KIAA1328: variants seen among roughly 807,000 people sequenced by gnomAD.
KIAA1328 encodes KIAA1328, also known as protein hinderin.
KIAA1328 carries 52 observed loss-of-function variants against 68.1 expected under a neutral mutation model. The ratio of observed to expected loss-of-function variants is 0.76; its 90% CI spans 0.61 to 0.96. The LOEUF (loss-of-function observed/expected upper bound fraction) is 0.96, where lower values mean the gene tolerates loss of function less well. Ranked by LOEUF, KIAA1328 falls within the 40% of genes least tolerant of loss-of-function variation. KIAA1328 has a pLI of 0.00. For synonymous variants in KIAA1328, 232 were observed against 239.4 expected (o/e 0.97, Z 0.28); for missense variants, 641 against 677.6 (o/e 0.95, Z 0.60).
At chr18:37,074,648 T>A (rs912702561) in intron 7 of KIAA1328, 4 of 152,298 alleles carry the variant, frequency 2.6e-5, no homozygotes, top group Non-Finnish European at 4.4e-5. Context: ...CTCCATCAGC[T>A]CCTTTAAGCA....
chr18:37,190,295 G>T (rs756218520), intron 9 of KIAA1328, among the ~76,000 whole-genome samples: 1 of 151,974 alleles, frequency 6.6e-6, no homozygotes, highest in Non-Finnish European at 1.5e-5. Flanking sequence ...ATTTCCAATT[G>T]GATCTATACA....
chr18:36,913,507 C>CAT (rs2151079514), intron 5 of KIAA1328, among the ~76,000 whole-genome samples: 1 of 119,244 alleles, frequency 8.4e-6, no homozygotes, highest in African/African-American at 2.8e-5. Flanking sequence ...CACACACACA[C>CAT]ACACACACAC....
chr18:37,033,557 C>T (rs1260473344), intron 6 of KIAA1328, among the ~76,000 whole-genome samples: 1 of 152,216 alleles, frequency 6.6e-6, no homozygotes, highest in Admixed American at 6.5e-5. Context: ...AAAACTTGAA[C>T]ATCTCCTTGT....
chr18:36,878,205 G>A (rs1199349041), intron 4 of KIAA1328, among the ~76,000 whole-genome samples: 5 of 152,162 alleles, frequency 3.3e-5, no homozygotes, highest in Admixed American at 6.5e-5. Flanking sequence ...AGGGGCTCTT[G>A]TAAGGCAGGC....
intron 4 of KIAA1328, among the ~76,000 whole-genome samples, chr18:36,856,113 C>G (rs965320273): frequency 2.0e-5 from 3 of 151,880 alleles, no homozygotes; most frequent in African/African-American, 7.3e-5. Context: ...TTAAGATTTT[C>G]TCTTGTCTGA....
At chr18:36,829,247 G>T in intron 1 of KIAA1328, 51 bp downstream of exon 1, 1 of 1,469,774 alleles carries the variant, frequency 6.8e-7, no homozygotes, top group Non-Finnish European at 9.0e-7. Flanking sequence ...ACGGGACGGC[G>T]AGGGGCGAGC....
intron 9 of KIAA1328, among the ~76,000 whole-genome samples, chr18:37,193,176 G>A (rs772960973): frequency 2.0e-5 from 3 of 152,104 alleles, no homozygotes; most frequent in Non-Finnish European, 2.9e-5. Context: ...TTATATTAAT[G>A]ATAATATGTA....
chr18:36,938,351 A>C (rs774988538), intron 5 of KIAA1328, among the ~76,000 whole-genome samples: 32 of 152,136 alleles, frequency 2.1e-4, no homozygotes, highest in Non-Finnish European at 4.0e-4. Flanking sequence ...CCTGATGATT[A>C]GTGATGATGA....
intron 7 of KIAA1328, among the ~76,000 whole-genome samples, chr18:37,129,294 A>G (rs1341221780): frequency 4.6e-5 from 7 of 152,098 alleles, no homozygotes; most frequent in Non-Finnish European, 8.8e-5. Context: ...TGGCAGCATT[A>G]TTTCCAGTGG....
intron 6 of KIAA1328, among the ~76,000 whole-genome samples, chr18:37,043,503 C>CT (rs1036014660): frequency 3.3e-5 from 5 of 152,130 alleles, no homozygotes; most frequent in South Asian, 4.2e-4. Flanking sequence ...ACTACTCAAC[C>CT]TTTTTTTTCT....
intron 5 of KIAA1328, among the ~76,000 whole-genome samples, chr18:36,897,951 A>G (rs918465507): frequency 2.0e-5 from 3 of 152,106 alleles, no homozygotes; most frequent in African/African-American, 7.2e-5. Flanking sequence ...TTAATTACAA[A>G]TTGATGTCTC....
intron 5 of KIAA1328, among the ~76,000 whole-genome samples, chr18:36,926,689 A>G (rs1352927062): frequency 1.3e-5 from 2 of 152,216 alleles, no homozygotes; most frequent in East Asian, 3.8e-4. Context: ...AAATTCTTCT[A>G]TACAACATTT....
At chr18:37,209,804 C>T (rs2060282474) in intron 9 of KIAA1328, among the ~76,000 whole-genome samples, 1 of 151,988 alleles carries the variant, frequency 6.6e-6, no homozygotes, top group Non-Finnish European at 1.5e-5. Flanking sequence ...GCCCATTACA[C>T]TTCCAAGTAA....
Position 37,140,977 on chromosome 18 carries a change from G to A in KIAA1328, c.1233-19223G>A, listed in dbSNP as rs544911885. On this transcript the variant is annotated intron_variant, in intron 7 of 9. Coordinates refer to ENST00000280020, the MANE Select transcript of KIAA1328 (RefSeq NM_020776.3). Reference sequence around the variant, plus strand: ...AATGTTTCTTCAGTGTGTTATCTGGGTGCTTTTAGTTTAGGAAATAATTTA... The same window carrying A: ...AATGTTTCTTCAGTGTGTTATCTGGATGCTTTTAGTTTAGGAAATAATTTA... Among the ~76,000 whole-genome samples, 7 of 152,208 alleles carry A rather than the reference G, an allele frequency of 4.6e-5. No individual in the cohort carries two copies. The South Asian group carries it at 1.5e-3, about 32-fold the overall frequency.
At chr18:37,159,283 G>GC (rs2059224186) in intron 7 of KIAA1328, among the ~76,000 whole-genome samples, 1 of 152,194 alleles carries the variant, frequency 6.6e-6, no homozygotes, top group South Asian at 2.1e-4. Context: ...GCCACCTGGA[G>GC]TAAGTGATAG....
intron 7 of KIAA1328, among the ~76,000 whole-genome samples, chr18:37,102,506 GA>G (rs1343346242): frequency 2.0e-5 from 3 of 151,914 alleles, no homozygotes; most frequent in African/African-American, 4.8e-5. Context: ...AATAGACAGA[GA>G]AAAAAACTCA....
chr18:36,851,702 A>G (rs2047217632), intron 4 of KIAA1328, among the ~76,000 whole-genome samples: 1 of 151,914 alleles, frequency 6.6e-6, no homozygotes, highest in Non-Finnish European at 1.5e-5. Flanking sequence ...TTTCTTCATA[A>G]GCCTAGCTAA....
At chr18:36,879,347 C>T (rs891428474) in intron 4 of KIAA1328, among the ~76,000 whole-genome samples, 6 of 152,216 alleles carry the variant, frequency 3.9e-5, no homozygotes, top group African/African-American at 1.4e-4. Context: ...GTATCACCAG[C>T]AGGGGCTGCA....
At chr18:36,907,306 T>G (rs1183116559) in intron 5 of KIAA1328, among the ~76,000 whole-genome samples, 1 of 152,132 alleles carries the variant, frequency 6.6e-6, no homozygotes, top group Non-Finnish European at 1.5e-5. Flanking sequence ...TTGCACTAAC[T>G]AGAATTTCCA....
Sources: gnomAD v4.1 joint callset for allele counts (sites outside exome capture counted in the v4.1 genomes callset) on GRCh38, gnomAD v4.1.1 for gene constraint, MANE v1.5 for transcripts, NCBI Gene and HGNC (gene_info 2026-07-23, HGNC 2026-07-21) for gene names.